Variants in SEMA3E observed in about 807,000 individuals in gnomAD.
SEMA3E encodes the protein semaphorin 3E, also known as semaphorin-3E.
A neutral mutation model predicts 93.6 loss-of-function variants in SEMA3E; 49 were observed. The ratio of observed to expected loss-of-function variants is 0.52; its 90% CI spans 0.42 to 0.66. SEMA3E has a LOEUF of 0.66. Ranked by LOEUF, SEMA3E falls within the 30% of genes least tolerant of loss-of-function variation. The pLI, the probability that SEMA3E is intolerant of heterozygous loss-of-function variation, is 0.00. For missense variants in SEMA3E, 906 were observed against 964.8 expected (o/e 0.94, Z 0.81); for synonymous variants, 363 against 330.7 (o/e 1.10, Z -1.06).
Position 83,493,451 on chromosome 7 carries a change from T to C in SEMA3E, c.116-3177A>G, listed in dbSNP as rs572990934. On this transcript the variant is annotated intron_variant, in intron 1 of 16. Coordinates refer to ENST00000643230, the MANE Select transcript of SEMA3E (RefSeq NM_012431.3). Reference sequence around the variant, plus strand: ...TATTGCCAAAATATGTCTGGATACATAAAACTGAATATCATTACATACCAT... The same window carrying C: ...TATTGCCAAAATATGTCTGGATACACAAAACTGAATATCATTACATACCAT... Among the ~76,000 whole-genome samples, 12 of 152,072 alleles carry C rather than the reference T, an allele frequency of 7.9e-5. 1 individual carries two copies. The South Asian group carries it at 2.3e-3, about 29-fold the overall frequency.
intron 1 of SEMA3E, among the ~76,000 whole-genome samples, chr7:83,517,718 C>G (rs2041426): frequency 0.85 from 128,879 of 152,114 alleles, 54,835 homozygotes; most frequent in South Asian, 0.95. Context: ...GAGGAAAAGA[C>G]AATCAATGTG....
chr7:83,617,480 T>A lies in SEMA3E; in HGVS notation c.115+30948A>T, dbSNP rs5010312. On this transcript the variant is annotated intron_variant, in intron 1 of 16. Transcript: ENST00000643230. Reference sequence around the variant, plus strand: ...AAATAATATATAATTTTATATAAATTTTATATAAATAATATATAATTTTAT... The same window carrying A: ...AAATAATATATAATTTTATATAAATATTATATAAATAATATATAATTTTAT... 7.9e-3 allele frequency among the ~76,000 whole-genome samples: 85 copies of A among 10,804 alleles called. 5 individuals carry two copies. Among genetic ancestry groups the A allele is most frequent in the African/African-American group, 0.011 (12 of 1,070 alleles). The allele number at this position is 10,804 out of a possible 152,430, so 7.1% of individuals were successfully genotyped here.
intron 16 of SEMA3E, among the ~76,000 whole-genome samples, chr7:83,377,653 A>T (rs1787675182): frequency 6.6e-6 from 1 of 151,998 alleles, no homozygotes; most frequent in Admixed American, 6.6e-5. Context: ...CTAAGACAGA[A>T]CATTTAAAAT....
At chr7:83,575,187 C>G (rs969627309) in intron 1 of SEMA3E, among the ~76,000 whole-genome samples, 1 of 151,602 alleles carries the variant, frequency 6.6e-6, no homozygotes, top group African/African-American at 2.4e-5. Flanking sequence ...GTTGAAAATT[C>G]TAAAAATAAC....
chr7:83,485,120 G>T (rs945089853), intron 2 of SEMA3E, among the ~76,000 whole-genome samples: 3 of 152,116 alleles, frequency 2.0e-5, no homozygotes, highest in African/African-American at 7.2e-5. Flanking sequence ...TGTCTCAGAA[G>T]AAGTTTACTA....
chr7:83,556,340 C>T (rs1233882027), intron 1 of SEMA3E, among the ~76,000 whole-genome samples: 2 of 152,156 alleles, frequency 1.3e-5, no homozygotes, highest in Non-Finnish European at 2.9e-5. Context: ...ATTATCAACA[C>T]TAAATGCCTA....
chr7:83,573,286 ATTT>A (rs1792324842), intron 1 of SEMA3E, among the ~76,000 whole-genome samples: 1 of 152,058 alleles, frequency 6.6e-6, no homozygotes, highest in Non-Finnish European at 1.5e-5. Flanking sequence ...TTATTATTTT[ATTT>A]ATTATGATTT....
intron 1 of SEMA3E, among the ~76,000 whole-genome samples, chr7:83,529,019 C>A: frequency 6.6e-6 from 1 of 152,164 alleles, no homozygotes; most frequent in East Asian, 1.9e-4. Context: ...AAAGAGTATT[C>A]AAGTTGCCCA....
At chr7:83,565,263 A>T (rs1043819442) in intron 1 of SEMA3E, among the ~76,000 whole-genome samples, 2 of 152,238 alleles carry the variant, frequency 1.3e-5, no homozygotes, top group Non-Finnish European at 2.9e-5. Flanking sequence ...ATGAAGCTAG[A>T]AGCCATCATC....
chr7:83,532,561 A>G (rs1254171861), intron 1 of SEMA3E, among the ~76,000 whole-genome samples: 2 of 152,292 alleles, frequency 1.3e-5, no homozygotes, highest in Admixed American at 6.5e-5. Context: ...ACGTAAAGAC[A>G]AATGTATTGC....
rs1001228860 is a variant in SEMA3E at position 83,451,540 on chromosome 7, G to A, written c.456+14942C>T. On this transcript the variant is annotated intron_variant, in intron 4 of 16. Transcript: ENST00000643230. ...CTAAGCACTTAAGGGTTTTGAGGAG[G>A]TGCATATTCCTTCTAGTACTTGAGT... 7.2e-5 allele frequency among the ~76,000 whole-genome samples: 11 copies of A among 152,100 alleles called. No individual in the cohort carries two copies. The East Asian group carries it at 2.1e-3, about 29-fold the overall frequency.
rs754533022 is a variant in SEMA3E, at chr7:83,367,616, G to A, written c.2298C>T (p.Tyr766=). ...AGTCCAGCGTGTGCCTGGGCAGGCG[G>A]TAATGCTCAGGTTTGGAACGGAGCT... ...EKKLRSKPEH[Y]RLPRHTLDS is the part of the protein sequence containing the mutation. Residue 766 remains tyrosine, a synonymous_variant, in exon 17 of 17, where the codon TAC becomes TAT. Transcript: ENST00000643230. The A allele has an allele frequency of 6.2e-7, 1 of 1,614,128 alleles. No individual in the cohort carries two copies. The highest frequency in any genetic ancestry group is 1.3e-5 in the African/African-American group (1 of 75,046).
intron 1 of SEMA3E, among the ~76,000 whole-genome samples, chr7:83,506,249 C>T (rs1056532650): frequency 7.9e-5 from 12 of 151,612 alleles, no homozygotes; most frequent in African/African-American, 2.9e-4. Context: ...ATAAAGAAAA[C>T]GTATAGCGCA....
At chr7:83,377,522 C>T (rs116058054) in intron 16 of SEMA3E, among the ~76,000 whole-genome samples, 1,889 of 152,000 alleles carry the variant, frequency 0.012, 44 homozygotes, top group African/African-American at 0.041. Context: ...GTTTTATTTA[C>T]GATAGGCAGA....
intron 1 of SEMA3E, among the ~76,000 whole-genome samples, chr7:83,554,449 T>A (rs1466054862): frequency 6.6e-6 from 1 of 152,136 alleles, no homozygotes; most frequent in African/African-American, 2.4e-5. Flanking sequence ...TGCTTTCGAT[T>A]TCTACATAGA....
At chr7:83,548,488 T>C (rs754320984) in intron 1 of SEMA3E, among the ~76,000 whole-genome samples, 18 of 152,058 alleles carry the variant, frequency 1.2e-4, no homozygotes, top group Non-Finnish European at 2.1e-4. Context: ...AAGGAGGAGT[T>C]TCAGTCGTGT....
chr7:83,388,328 A>T (rs866863647), intron 14 of SEMA3E, among the ~76,000 whole-genome samples: 1,476 of 146,998 alleles, frequency 0.01, 12 homozygotes, highest in Non-Finnish European at 0.015. Context: ...AAAATAAAAA[A>T]AAATATATAT....
At chr7:83,530,418 A>G (rs1584311872) in intron 1 of SEMA3E, among the ~76,000 whole-genome samples, 1 of 152,232 alleles carries the variant, frequency 6.6e-6, no homozygotes, top group Non-Finnish European at 1.5e-5. Flanking sequence ...TATTAATGTT[A>G]TCATAAAAAG....
At chr7:83,375,021 C>T (rs1422096989) in intron 16 of SEMA3E, among the ~76,000 whole-genome samples, 1 of 151,954 alleles carries the variant, frequency 6.6e-6, no homozygotes, top group Non-Finnish European at 1.5e-5. Context: ...GGTTTGACAA[C>T]CAATAAACTA....
Sources: gnomAD v4.1 joint callset for allele counts (sites outside exome capture counted in the v4.1 genomes callset) on GRCh38, gnomAD v4.1.1 for gene constraint, MANE v1.5 for transcripts, NCBI Gene and HGNC (gene_info 2026-07-23, HGNC 2026-07-21) for gene names.